The following KCNN2 variants were observed in gnomAD, a reference collection of about 807,000 sequenced individuals.
KCNN2 encodes the protein potassium calcium-activated channel subfamily N member 2.
KCNN2 carries 24 observed loss-of-function variants against 55.5 expected under a neutral mutation model. The observed-to-expected ratio is 0.43, with a 90% CI of 0.31 to 0.61. The LOEUF (loss-of-function observed/expected upper bound fraction) is 0.61. KCNN2 is among the 20% of genes least tolerant of loss of function. The pLI is 0.08. For synonymous variants in KCNN2, 431 were observed against 336.1 expected (o/e 1.28, Z -3.09); for missense variants, 754 against 853.6 (o/e 0.88, Z 1.45).
intron 1 of KCNN2, among the ~76,000 whole-genome samples, chr5:114,125,804 A>G (rs147332834): frequency 2.2e-3 from 340 of 152,190 alleles, no homozygotes; most frequent in Non-Finnish European, 3.9e-3. Flanking sequence ...TTCCCTCCAT[A>G]TGTGTCTGTG....
In KCNN2 at chr5:114,356,210, C is replaced by G. The variant is rs12108940; in HGVS notation, c.-184-4735C>G. Among the ~76,000 whole-genome samples, 755 of 152,230 alleles carry G rather than the reference C, an allele frequency of 5.0e-3. 5 individuals are homozygous for G. The highest frequency in any genetic ancestry group is 0.017 in the African/African-American group (724 of 41,542). On this transcript the variant is annotated intron_variant, in intron 2 of 10. Coordinates refer to the KCNN2 transcript ENST00000512097. ...TATGTCACCTTGGGTAGGGTAGGCA[C>G]TGCATTTCAGATATTTTCGTTACTT...
At chr5:114,268,768 C>T (rs1186925371) in intron 2 of KCNN2, among the ~76,000 whole-genome samples, 1 of 152,118 alleles carries the variant, frequency 6.6e-6, no homozygotes, top group African/African-American at 2.4e-5. Context: ...CCAAGTGAGA[C>T]AATACTGGTT....
chr5:114,386,731 G>A (rs1338949703), intron 2 of KCNN2, among the ~76,000 whole-genome samples: 4 of 152,126 alleles, frequency 2.6e-5, no homozygotes, highest in Non-Finnish European at 5.9e-5. Flanking sequence ...ATATAAGGAG[G>A]GGCAAGGGAT....
rs566339790 is a variant in KCNN2 at position 114,405,910 on chromosome 5, C to G, written c.1637+1054C>G. Among the ~76,000 whole-genome samples, 26 of 151,896 alleles carry G rather than the reference C, an allele frequency of 1.7e-4. No individual in the cohort carries two copies. The East Asian group carries it at 2.3e-3, about 14-fold the overall frequency. On this transcript the variant is annotated intron_variant, in intron 3 of 7. Coordinates refer to ENST00000673685, the MANE Select transcript of KCNN2 (RefSeq NM_021614.4). ...TATTTTTAGTAGAGACGGGGTTTCA[C>G]CGTGTTAGCTGGGATGGTCTCAATC...
chr5:114,304,835 T>C (rs1003048407), intron 2 of KCNN2, among the ~76,000 whole-genome samples: 9 of 152,196 alleles, frequency 5.9e-5, no homozygotes, highest in African/African-American at 2.2e-4. Flanking sequence ...CATGTTACCT[T>C]CAAAATCCAA....
At position 114,063,394 on chromosome 5, in the gene KCNN2, GAA is replaced by G. The variant is rs1323944893; in HGVS notation, c.-271+6896_-271+6897del. Among the ~76,000 whole-genome samples, 6 of 152,338 alleles carry G rather than the reference GAA, an allele frequency of 3.9e-5. No individual in the cohort carries two copies. In the East Asian group the frequency reaches 1.2e-3, roughly 29 times the overall value. ...TGGGATAGTAGAGACAGAGGAAGAT[GAA>G]AGCATGGCAGCCCAGATCAGTGCTT... On this transcript the variant is annotated intron_variant, in intron 1 of 10. Coordinates refer to the KCNN2 transcript ENST00000512097.
chr5:114,395,576 ATTG>A (rs1758590371), intron 2 of KCNN2, among the ~76,000 whole-genome samples: 1 of 152,206 alleles, frequency 6.6e-6, no homozygotes, highest in Non-Finnish European at 1.5e-5. Flanking sequence ...GATCATATAT[ATTG>A]TTAAGATTAT....
rs79244913 is a variant in KCNN2 at position 114,296,018 on chromosome 5, A to T, written c.-184-64927A>T. 9.2e-5 allele frequency among the ~76,000 whole-genome samples: 14 copies of T among 152,330 alleles called. No individual in the cohort carries two copies. In the East Asian group the frequency reaches 2.7e-3, roughly 29 times the overall value. ...GTACTACTAATACTACTGTGGTATT[A>T]TTGGTATTAACAAAAATAAAGATGT... On this transcript the variant is annotated intron_variant, in intron 2 of 10. Coordinates refer to the KCNN2 transcript ENST00000512097.
chr5:114,310,782 G>A lies in KCNN2; in HGVS notation c.-184-50163G>A, dbSNP rs542475908. Among the ~76,000 whole-genome samples the A allele has an allele frequency of 2.4e-3, 362 of 152,216 alleles. 1 individual carries two copies. Among genetic ancestry groups the A allele is most frequent in the African/African-American group, 8.4e-3 (350 of 41,540 alleles). On this transcript the variant is annotated intron_variant, in intron 2 of 10. Transcript: ENST00000512097. ...TATTAAGCACAGTTGGAAGCTGAGGGCAAAGTGGGCCATATGAAATGGGAG... is the reference window on the plus strand; with the variant it reads ...TATTAAGCACAGTTGGAAGCTGAGGACAAAGTGGGCCATATGAAATGGGAG...
intron 5 of KCNN2, among the ~76,000 whole-genome samples, chr5:114,479,476 C>T (rs776836875): frequency 3.9e-5 from 6 of 152,310 alleles, no homozygotes; most frequent in African/African-American, 1.2e-4. Flanking sequence ...TTTAATACCT[C>T]ACTGTCAGTA....
At chr5:114,172,187 A>G (rs907797665) in intron 1 of KCNN2, among the ~76,000 whole-genome samples, 3 of 151,962 alleles carry the variant, frequency 2.0e-5, no homozygotes, top group Non-Finnish European at 2.9e-5. Flanking sequence ...AGTTTACACC[A>G]CAAAGTGAAC....
intron 1 of KCNN2, among the ~76,000 whole-genome samples, chr5:114,107,248 C>T (rs1472117083): frequency 6.6e-6 from 1 of 152,012 alleles, no homozygotes; most frequent in South Asian, 2.1e-4. Flanking sequence ...TTCCAACAGT[C>T]TATTTGTCTA....
chr5:114,434,737 GT>G (rs1399960353), intron 3 of KCNN2, among the ~76,000 whole-genome samples: 3 of 152,094 alleles, frequency 2.0e-5, no homozygotes, highest in African/African-American at 7.2e-5. Flanking sequence ...TGCTTCTCAG[GT>G]TTTTTTCCTC....
At position 114,186,792 on chromosome 5, in the gene KCNN2, C is replaced by G. The variant is rs145393272; in HGVS notation, c.-270-34688C>G. 1.9e-3 allele frequency among the ~76,000 whole-genome samples: 289 copies of G among 152,204 alleles called. 3 individuals carry two copies. The highest frequency in any genetic ancestry group is 6.6e-3 in the African/African-American group (275 of 41,544). On this transcript the variant is annotated intron_variant, in intron 1 of 10. Coordinates refer to the KCNN2 transcript ENST00000512097. ...TTAGCTCCTTGATCATGACACCAGG[C>G]TCAGGTGGTATTCAGGAAGATGTTA...
intron 1 of KCNN2, among the ~76,000 whole-genome samples, chr5:114,070,031 G>A (rs1055796500): frequency 3.3e-5 from 5 of 151,996 alleles, no homozygotes; most frequent in Non-Finnish European, 5.9e-5. Context: ...ATTTTACATC[G>A]CATCCAGATA....
chr5:114,202,974 A>G (rs902082477), intron 1 of KCNN2, among the ~76,000 whole-genome samples: 1 of 152,172 alleles, frequency 6.6e-6, no homozygotes, highest in Non-Finnish European at 1.5e-5. Flanking sequence ...TTATTTTCAG[A>G]GAGCTCTAAT....
intron 1 of KCNN2, among the ~76,000 whole-genome samples, chr5:114,109,342 T>C (rs1751548876): frequency 6.6e-6 from 1 of 152,108 alleles, no homozygotes; most frequent in Non-Finnish European, 1.5e-5. Context: ...TACCATCTTA[T>C]GTAACATACT....
intron 3 of KCNN2, among the ~76,000 whole-genome samples, chr5:114,406,100 GAAA>G (rs554840041): frequency 8.7e-6 from 1 of 114,536 alleles, no homozygotes; most frequent in Non-Finnish European, 1.8e-5. Context: ...AGAGTTGCTG[GAAA>G]AAAAAAAAAA....
At chr5:114,281,625 CTGTG>C (rs10579037) in intron 2 of KCNN2, among the ~76,000 whole-genome samples, 29 of 145,306 alleles carry the variant, frequency 2.0e-4, no homozygotes, top group Admixed American at 2.8e-4. Context: ...CCCTCCATCT[CTGTG>C]TGTGTGTGTG....
Sources: gnomAD v4.1 joint callset for allele counts (sites outside exome capture counted in the v4.1 genomes callset) on GRCh38, gnomAD v4.1.1 for gene constraint, MANE v1.5 for transcripts, NCBI Gene and HGNC (gene_info 2026-07-23, HGNC 2026-07-21) for gene names.